HDAC4: variants seen among roughly 807,000 people sequenced by gnomAD.
HDAC4 encodes histone deacetylase A.
Under a neutral mutation model 135.1 loss-of-function variants are expected in HDAC4, and 16 were observed. The ratio of observed to expected loss-of-function variants is 0.12; its 90% confidence interval spans 0.08 to 0.18. HDAC4 has a LOEUF of 0.18. Ranked by LOEUF, HDAC4 falls within the 10% of genes least tolerant of loss-of-function variation. HDAC4 has a pLI of 1.00. For missense variants in HDAC4, 1,143 were observed against 1,511.8 expected, an observed-to-expected ratio of 0.76 and a Z score of 4.05; for synonymous variants, 685 against 653.4, an observed-to-expected ratio of 1.05 and a Z score of -0.74.
rs954424743 is a variant in HDAC4, at chr2:239,052,870, G to A, written c.*227C>T. 16 of 591,556 alleles carry A rather than the reference G, an allele frequency of 2.7e-5. No homozygotes were observed. Among genetic ancestry groups the A allele is most frequent in the African/African-American group, 1.9e-4 (10 of 53,712 alleles). 36.6% of individuals were successfully genotyped at this position (591,556 alleles called of 1,614,324 possible). A position where few individuals can be genotyped will look rare whatever the true frequency, so the allele number is the denominator to read the frequency against. ...GTCCGTGTGTCTGCGCGTCGCCGGC[G>A]TCTGTCCCGTGTTCCCTGTGAGGCT... is the stretch of plus-strand genomic sequence containing the variant. On this transcript the variant is annotated 3_prime_UTR_variant, in exon 27 of 27. Transcript: ENST00000543185.
rs151174341 is a variant in HDAC4 at position 239,331,624 on chromosome 2, G to A, written c.22+21054C>T. On this transcript the variant is annotated intron_variant, in intron 2 of 26. Transcript: ENST00000543185. The surrounding 1 kb of genome is among the most constrained non-coding windows in gnomAD (Gnocchi z 4.5). ...CCAGGTGAGCGAACTGCAATGACAC[G>A]TCGCCAGGGCTGCACTGGACCCACC... Among the ~76,000 whole-genome samples, 62 of 152,252 alleles carry A rather than the reference G, an allele frequency of 4.1e-4. No homozygotes were observed. The highest frequency in any genetic ancestry group is 1.4e-3 in the African/African-American group (59 of 41,536).
intron 4 of HDAC4, among the ~76,000 whole-genome samples, chr2:239,181,262 G>A (rs983264572): frequency 3.3e-5 from 5 of 152,208 alleles, no homozygotes; most frequent in Non-Finnish European, 5.9e-5. Context: ...CAGGAGGTAG[G>A]CCCACACCCA....
intron 3 of HDAC4, chr2:239,190,998 TG>T: frequency 2.1e-6 from 1 of 465,392 alleles, no homozygotes. Flanking sequence ...GCACTGCTCC[TG>T]GCACAGCCCA....
intron 2 of HDAC4, among the ~76,000 whole-genome samples, chr2:239,252,604 G>A (rs960826129): frequency 2.0e-5 from 3 of 152,192 alleles, no homozygotes; most frequent in African/African-American, 4.8e-5. Flanking sequence ...CATGTCCCAC[G>A]GAAGTTCCTT....
intron 14 of HDAC4, among the ~76,000 whole-genome samples, chr2:239,108,500 G>A (rs962968986): frequency 6.6e-5 from 10 of 152,160 alleles, no homozygotes; most frequent in Admixed American, 5.9e-4. Flanking sequence ...GTGATGAGGA[G>A]GTCTGCCCTG....
chr2:239,098,720 A>T (rs1323842801), intron 16 of HDAC4, among the ~76,000 whole-genome samples: 1 of 152,256 alleles, frequency 6.6e-6, no homozygotes, highest in Non-Finnish European at 1.5e-5. Context: ...AAAAAAAATC[A>T]CACAGTAGTG....
intron 9 of HDAC4, among the ~76,000 whole-genome samples, chr2:239,137,568 T>C (rs1313572027): frequency 2.0e-5 from 3 of 152,262 alleles, no homozygotes; most frequent in South Asian, 4.1e-4. Flanking sequence ...GTAGTGTTTC[T>C]AGGGACCCCA....
chr2:239,144,631 C>G lies in HDAC4; in HGVS notation c.817G>C (p.Asp273His). Residue 273 changes from aspartate to histidine, a missense_variant, in exon 8 of 27, where the codon GAC becomes CAC. By Grantham distance (81) the Asp-to-His change is moderately conservative. This residue lies in a region of HDAC4 where 272 missense variants were observed against 309.7 expected (regional missense o/e 0.88). Coordinates refer to ENST00000543185, the MANE Select transcript of HDAC4 (RefSeq NM_001378414.1). ...TTTAGAGCAGTGACCACTGGCCCGT[C>G]TTTCCTGCGTAACAGGGGGCTGCTC... ...RRSSPLLRRK[D>H]GPVVTALKKR... is the part of the protein sequence containing the mutation. The G allele has an allele frequency of 1.2e-6, 2 of 1,614,228 alleles. No homozygotes were observed.
Position 239,064,532 on chromosome 2 carries a change from C to CT in HDAC4, c.3003+2189dup, listed in dbSNP as rs1344476824. On this transcript the variant is annotated intron_variant, in intron 24 of 26. Coordinates refer to ENST00000543185, the MANE Select transcript of HDAC4 (RefSeq NM_001378414.1). ...AGGAAGGTTCTGGTGCTGTGGCGGC[C>CT]TGGGGCCCTAGAAAGGTGGGGGTCT... Among the ~76,000 whole-genome samples, 3 of 152,302 alleles carry CT rather than the reference C, an allele frequency of 2.0e-5. No individual in the cohort carries two copies. In the East Asian group the frequency reaches 5.8e-4, roughly 30 times the overall value.
intron 2 of HDAC4, among the ~76,000 whole-genome samples, chr2:239,266,611 T>C (rs1391519853): frequency 6.6e-6 from 1 of 152,100 alleles, no homozygotes; most frequent in African/African-American, 2.4e-5. Context: ...GGCCAAGAAA[T>C]CATCATGGCT....
intron 3 of HDAC4, among the ~76,000 whole-genome samples, chr2:239,209,183 C>T (rs1453113659): frequency 6.6e-6 from 1 of 152,166 alleles, no homozygotes; most frequent in Non-Finnish European, 1.5e-5. Flanking sequence ...CTGTGCCTGG[C>T]CCTGAAAGAC....
Position 239,245,725 on chromosome 2 carries a change from C to T in HDAC4, c.23-9061G>A, listed in dbSNP as rs1014616709. Reference sequence around the variant, plus strand: ...CCTTTCATATATCTTTGAAACTTTTCATAACAATTTTTCAAGAGATGCCAG... The same window carrying T: ...CCTTTCATATATCTTTGAAACTTTTTATAACAATTTTTCAAGAGATGCCAG... On this transcript the variant is annotated intron_variant, in intron 2 of 26. Transcript: ENST00000543185. This position sits in a 1 kb window ranked among gnomAD's most constrained non-coding sequence, Gnocchi z 4.4. 6.6e-6 allele frequency among the ~76,000 whole-genome samples: 1 copy of T among 152,124 alleles called. No homozygotes were observed. Among genetic ancestry groups the T allele is most frequent in the Non-Finnish European group, 1.5e-5 (1 of 68,028 alleles).
At chr2:239,279,543 CCTAGAGAGGACA>C (rs1485215527) in intron 2 of HDAC4, among the ~76,000 whole-genome samples, 1 of 152,240 alleles carries the variant, frequency 6.6e-6, no homozygotes, top group Non-Finnish European at 1.5e-5. Context: ...AAAACCTCTC[CCTAGAGAGGACA>C]CTGTCGGGGT....
chr2:239,377,785 T>C (rs2126039701), intron 1 of HDAC4, among the ~76,000 whole-genome samples: 1 of 152,114 alleles, frequency 6.6e-6, no homozygotes, highest in Admixed American at 6.5e-5. Flanking sequence ...AAGACGGACA[T>C]CTCAGACACA....
chr2:239,092,802 A>G (rs1422092509), intron 17 of HDAC4, among the ~76,000 whole-genome samples: 2 of 151,438 alleles, frequency 1.3e-5, no homozygotes, highest in African/African-American at 4.9e-5. Context: ...AGGCGGCCGC[A>G]ACTGCTAATG....
chr2:239,206,538 C>T (rs1400209599), intron 3 of HDAC4, among the ~76,000 whole-genome samples: 1 of 151,714 alleles, frequency 6.6e-6, no homozygotes, highest in Non-Finnish European at 1.5e-5. Flanking sequence ...TATAGGAAAT[C>T]CAGGCAACAA....
At position 239,111,551 on chromosome 2, in the gene HDAC4, G is replaced by A. The variant is rs146056747; in HGVS notation, c.1953C>T (p.Pro651=). 5.5e-4 allele frequency: 884 copies of A among 1,612,410 alleles called. 4 individuals carry two copies. In the African/African-American group the frequency reaches 8.7e-3, roughly 16 times the overall value. ...CTGTCGTGAACCTCGGCTTGGTGGG[G>A]GGCTCCTGCACAGACACGGGGAAGG... The part of the protein sequence containing the change: ...SATFPVSVQE[P]PTKPRFTTGL... The change falls in exon 14 of 27, where the codon CCC becomes CCT. Residue 651 remains proline (P), a synonymous_variant. Coordinates refer to ENST00000543185, the MANE Select transcript of HDAC4 (RefSeq NM_001378414.1).
chr2:239,126,692 A>G lies in HDAC4; in HGVS notation c.1297T>C (p.Trp433Arg), dbSNP rs1425299148. 1 of 1,613,600 alleles carries G rather than the reference A, an allele frequency of 6.2e-7. No individual in the cohort carries two copies. The highest frequency in any genetic ancestry group is 1.1e-5 in the South Asian group (1 of 91,080). The stretch of plus-strand genomic sequence containing the variant: ...AGTGCTCCCAGGCCTGAAAGATACC[A>G]GTCTGAAGATAATTGGAGGAAGAAA... Reference protein sequence around the residue: ...PPAQAPLVTDWYLSGLGALPL... With the variant: ...PPAQAPLVTDRYLSGLGALPL... Residue 433 changes from tryptophan (W) to arginine (R), a missense_variant and splice_region_variant, in exon 12 of 27, where the codon TGG becomes CGG. Trp to Arg is a moderately radical substitution (Grantham distance 101). This residue lies in a region of HDAC4 where 272 missense variants were observed against 309.7 expected (regional missense o/e 0.88). Transcript: ENST00000543185.
intron 1 of HDAC4, among the ~76,000 whole-genome samples, chr2:239,382,092 C>A (rs570629139): frequency 2.6e-4 from 39 of 152,356 alleles, no homozygotes; most frequent in African/African-American, 8.7e-4. Context: ...TCTCCATATT[C>A]CTCAGCACAA....
Sources: gnomAD v4.1 joint callset for allele counts (sites outside exome capture counted in the v4.1 genomes callset) on GRCh38, gnomAD v4.1.1 for gene constraint, gnomAD v4.1.1 regional missense constraint, Gnocchi (gnomAD v3.1) non-coding constraint, MANE v1.5 for transcripts, NCBI Gene and HGNC (gene_info 2026-07-23, HGNC 2026-07-21) for gene names.